MAP3K9: variants seen among roughly 807,000 people sequenced by gnomAD.
MAP3K9 encodes the protein mitogen-activated protein kinase kinase kinase 9.
A neutral mutation model predicts 95.8 loss-of-function variants in MAP3K9; 46 were observed. That is an observed-to-expected ratio of 0.48 (90% CI 0.38 to 0.61). The LOEUF (loss-of-function observed/expected upper bound fraction) is 0.61. Ranked by LOEUF, MAP3K9 falls within the 20% of genes least tolerant of loss-of-function variation. MAP3K9 has a pLI of 0.00. For synonymous variants in MAP3K9, 533 were observed against 593.8 expected (o/e 0.90, Z 1.49); for missense variants, 1,296 against 1,474.3 (o/e 0.88, Z 1.98).
chr14:70,769,151 T>C (rs933102515), intron 2 of MAP3K9, among the ~76,000 whole-genome samples: 2 of 108,978 alleles, frequency 1.8e-5, no homozygotes, highest in African/African-American at 3.3e-5. Flanking sequence ...TTCAAGGCTA[T>C]AGCACCACCA....
rs564437408 is a variant in MAP3K9, at chr14:70,776,144, G to A, written c.821-14962C>T. Reference sequence around the variant, plus strand: ...GTGGAGGTTGCAGTGAGCCAAGATCGCGCCATTACACTCCAGCCTGGGCGA... The same window carrying A: ...GTGGAGGTTGCAGTGAGCCAAGATCACGCCATTACACTCCAGCCTGGGCGA... On this transcript the variant is annotated intron_variant, in intron 2 of 11. Transcript: ENST00000554752. Among the ~76,000 whole-genome samples, 14 of 152,224 alleles carry A rather than the reference G, an allele frequency of 9.2e-5. No homozygotes were observed. The East Asian group carries it at 1.5e-3, about 17-fold the overall frequency.
chr14:70,761,227 T>A, intron 2 of MAP3K9, 45 bp from the exon 3 acceptor site: 1 of 1,504,830 alleles, frequency 6.6e-7, no homozygotes, highest in Non-Finnish European at 9.1e-7. Flanking sequence ...TCTGCATTAA[T>A]CACAGGGAAA....
chr14:70,798,123 G>GC (rs1195703764), intron 2 of MAP3K9, among the ~76,000 whole-genome samples: 3 of 152,288 alleles, frequency 2.0e-5, no homozygotes, highest in African/African-American at 7.2e-5. Context: ...CAGGTCTCTT[G>GC]CCCTCTCCTA....
intron 2 of MAP3K9, among the ~76,000 whole-genome samples, chr14:70,782,526 C>T (rs528505979): frequency 6.6e-6 from 1 of 152,320 alleles, no homozygotes; most frequent in South Asian, 2.1e-4. Context: ...AGGCTCGAAA[C>T]ACTGGGAGTT....
intron 9 of MAP3K9, 144 bp from the exon 10 acceptor site, chr14:70,734,642 C>G (rs117102448): frequency 1.6e-6 from 1 of 606,920 alleles, no homozygotes; most frequent in Non-Finnish European, 2.9e-6. Flanking sequence ...ATGACTCTTA[C>G]CAAGCCCACC....
At chr14:70,770,527 C>T (rs916428172) in intron 2 of MAP3K9, among the ~76,000 whole-genome samples, 1 of 152,024 alleles carries the variant, frequency 6.6e-6, no homozygotes, top group African/African-American at 2.4e-5. Context: ...CCTTTAGCAT[C>T]GAGGGTTGGG....
chr14:70,741,971 G>A (rs1157438079), intron 6 of MAP3K9, among the ~76,000 whole-genome samples: 1 of 152,156 alleles, frequency 6.6e-6, no homozygotes, highest in Non-Finnish European at 1.5e-5. Flanking sequence ...CTTGAGACAA[G>A]TTATTTTGCA....
chr14:70,756,585 C>T (rs1435713332), intron 3 of MAP3K9, among the ~76,000 whole-genome samples: 1 of 152,200 alleles, frequency 6.6e-6, no homozygotes, highest in Non-Finnish European at 1.5e-5. Context: ...GAGATGTGTA[C>T]AACTTCTGGA....
Position 70,808,959 on chromosome 14 carries a change from C to A in MAP3K9, c.213G>T (p.Leu71=). 1 of 1,577,958 alleles carries A rather than the reference C, an allele frequency of 6.3e-7. No individual in the cohort carries two copies. The highest frequency in any genetic ancestry group is 2.3e-5 in the East Asian group (1 of 43,056). The change falls in exon 1 of 12, where the codon CTG becomes CTT. Residue 71 remains leucine, a synonymous_variant. Transcript: ENST00000554752. ...FEYEAAGEDE[L]TLRLGDVVEV... is the part of the protein sequence containing the mutation. ...CCACCACGTCGCCCAGCCGCAGGGTCAGCTCGTCCTCGCCCGCCGCCTCGT... is the reference window on the plus strand; with the variant it reads ...CCACCACGTCGCCCAGCCGCAGGGTAAGCTCGTCCTCGCCCGCCGCCTCGT...
In MAP3K9 at chr14:70,742,433, C is replaced by A. The variant is rs1283704730; in HGVS notation, c.1485G>T (p.Lys495Asn). The A allele has an allele frequency of 6.2e-7, 1 of 1,614,234 alleles. No homozygotes were observed. The highest frequency in any genetic ancestry group is 8.5e-7 in the Non-Finnish European group (1 of 1,180,044). Residue 495 changes from lysine (K) to asparagine (N), a missense_variant, in exon 6 of 12, where the codon AAG becomes AAT. Transcript: ENST00000554752. ...TGCCCTTGCGTTTCTTCACCCGGGG[C>A]TTCTCCTGGCACAGCTGGTGGATGA... ...NIIIHQLCQEKPRVKKRKGKF... is the reference protein window; with the variant it reads ...NIIIHQLCQENPRVKKRKGKF...
intron 3 of MAP3K9, among the ~76,000 whole-genome samples, chr14:70,760,141 GCACACACACA>G (rs60112409): frequency 3.7e-4 from 54 of 147,710 alleles, no homozygotes; most frequent in Middle Eastern, 3.4e-3. Context: ...AAATAAACGT[GCACACACACA>G]CACACACACA....
rs777131243 is a variant in MAP3K9, at chr14:70,732,511, G to C, written c.2830+28C>G. 22 of 1,516,250 alleles carry C rather than the reference G, an allele frequency of 1.5e-5. No homozygotes were observed. The Admixed American group carries it at 5.0e-4, about 34-fold the overall frequency. 93.9% of individuals were successfully genotyped at this position (1,516,250 alleles called of 1,614,324 possible). A position where few individuals can be genotyped will look rare whatever the true frequency, so the allele number is the denominator to read the frequency against. ...CACTCCCTGAGGAGGCACAAAGAAA[G>C]GAAAGAGAAAAGAGGAAGAAGACTC... On this transcript the variant is annotated intron_variant, in intron 11 of 11. Coordinates refer to ENST00000554752, the MANE Select transcript of MAP3K9 (RefSeq NM_001284230.2).
rs1316678497 is a variant in MAP3K9 at position 70,801,022 on chromosome 14, A to G, written c.465T>C (p.Phe155=). 6.2e-7 allele frequency: 1 copy of G among 1,614,080 alleles called. No individual in the cohort carries two copies. The highest frequency in any genetic ancestry group is 8.5e-7 in the Non-Finnish European group (1 of 1,180,036). Reference sequence around the variant, plus strand: ...TCCAGAAAGCACGATAGACCTTCCCAAAGCCCCCGATGCCAATAATCTCTT... The same window carrying G: ...TCCAGAAAGCACGATAGACCTTCCCGAAGCCCCCGATGCCAATAATCTCTT... ...TLEEIIGIGG[F]GKVYRAFWIG... The change falls in exon 2 of 12, where the codon TTT becomes TTC. Residue 155 remains phenylalanine (F), a synonymous_variant. Transcript: ENST00000554752.
chr14:70,808,775 G>T lies in MAP3K9; in HGVS notation c.397C>A (p.Pro133Thr). 6.4e-7 allele frequency: 1 copy of T among 1,566,828 alleles called. No homozygotes were observed. The highest frequency in any genetic ancestry group is 1.4e-5 in the African/African-American group (1 of 72,588). The change falls in exon 1 of 12, where the codon CCC (proline) becomes ACC (threonine). Residue 133 changes from proline to threonine, a missense_variant. Pro to Thr is a conservative substitution (Grantham distance 38). This residue lies in a region of MAP3K9 where 338 missense variants were observed against 363.4 expected (regional missense o/e 0.93). Coordinates refer to ENST00000554752, the MANE Select transcript of MAP3K9 (RefSeq NM_001284230.2). The part of the protein sequence containing the change: ...PGGEDPSCYP[P>T]IQLLEIDFAE... Reference sequence around the variant, plus strand: ...CCCGCCTTCGCCTTACACTGAATGGGCGGGTAGCAACTGGGGTCCTCGCCG... The same window carrying T: ...CCCGCCTTCGCCTTACACTGAATGGTCGGGTAGCAACTGGGGTCCTCGCCG...
chr14:70,759,355 T>C (rs2054338905), intron 3 of MAP3K9, among the ~76,000 whole-genome samples: 2 of 152,004 alleles, frequency 1.3e-5, no homozygotes, highest in Non-Finnish European at 2.9e-5. Context: ...GGCAGGAGAA[T>C]CACTTGAACC....
chr14:70,747,269 G>A (rs774830552), intron 5 of MAP3K9, among the ~76,000 whole-genome samples: 6 of 152,122 alleles, frequency 3.9e-5, no homozygotes, highest in Non-Finnish European at 7.4e-5. Flanking sequence ...ATTGAATCAT[G>A]GGGGTGGTTC....
chr14:70,761,935 C>A (rs1362198051), intron 2 of MAP3K9, among the ~76,000 whole-genome samples: 1 of 151,978 alleles, frequency 6.6e-6, no homozygotes, highest in Non-Finnish European at 1.5e-5. Context: ...TCCTCCCAAA[C>A]CTTAGCAATC....
intron 11 of MAP3K9, 52 bp from the exon 12 acceptor site, chr14:70,730,916 G>A (rs748449299): frequency 1.9e-6 from 3 of 1,539,550 alleles, no homozygotes; most frequent in Non-Finnish European, 1.7e-6. Flanking sequence ...ATATTTCGGG[G>A]TTAGATATCC....
chr14:70,735,666 A>C (rs2053975631), intron 9 of MAP3K9, among the ~76,000 whole-genome samples: 1 of 152,196 alleles, frequency 6.6e-6, no homozygotes, highest in Admixed American at 6.5e-5. Flanking sequence ...AGTCAAAACC[A>C]GTGCTGAAGA....
Sources: gnomAD v4.1 joint callset for allele counts (sites outside exome capture counted in the v4.1 genomes callset) on GRCh38, gnomAD v4.1.1 for gene constraint, gnomAD v4.1.1 regional missense constraint, MANE v1.5 for transcripts, NCBI Gene and HGNC (gene_info 2026-07-23, HGNC 2026-07-21) for gene names.